The following CASD1 variants were observed in gnomAD, a reference collection of about 807,000 sequenced individuals.
The protein encoded by CASD1 is CAS1 domain sialic acid O acetyltransferase 1.
A neutral mutation model predicts 100.0 loss-of-function variants in CASD1; 41 were observed. The ratio of observed to expected loss-of-function variants is 0.41; its 90% CI spans 0.32 to 0.53. CASD1 has a LOEUF of 0.53. Ranked by LOEUF, CASD1 falls within the 20% of genes least tolerant of loss-of-function variation. The pLI is 0.25. For missense variants in CASD1, 774 were observed against 948.7 expected, an observed-to-expected ratio of 0.82 and a Z score of 2.42; for synonymous variants, 321 against 315.6, an observed-to-expected ratio of 1.02 and a Z score of -0.18.
chr7:94,553,819 A>AAATAAAT (rs1796071815), intron 16 of CASD1: 1 of 100,006 alleles, frequency 1.0e-5, no homozygotes, highest in Non-Finnish European at 2.3e-5. Context: ...AATAAATAAA[A>AAATAAAT]AGAAAATGCA....
At chr7:94,625,456 G>A in the CASD1 span, 1 of 151,824 alleles carries the variant, frequency 6.6e-6, no homozygotes, top group Non-Finnish European at 1.5e-5. Context: ...GAACTCTTAT[G>A]AAACCATCCC....
the CASD1 span, among the ~76,000 whole-genome samples, chr7:94,609,304 A>T: frequency 6.6e-6 from 1 of 152,268 alleles, no homozygotes; most frequent in African/African-American, 2.4e-5. Flanking sequence ...AGGTGGGCAG[A>T]TCACTTGAGG....
chr7:94,602,738 T>C, the CASD1 span, among the ~76,000 whole-genome samples: 1 of 152,182 alleles, frequency 6.6e-6, no homozygotes, highest in Admixed American at 6.5e-5. Context: ...TTCCTAAATC[T>C]GTTAACATGC....
chr7:94,591,847 A>C, the CASD1 span, among the ~76,000 whole-genome samples: 1 of 152,228 alleles, frequency 6.6e-6, no homozygotes, highest in Non-Finnish European at 1.5e-5. Context: ...AATTCGGAGA[A>C]GATGCATAAG....
At position 94,537,651 on chromosome 7, in the gene CASD1, T is replaced by A. The variant is rs762343932; in HGVS notation, c.1023T>A (p.Asn341Lys). 5.6e-6 allele frequency: 9 copies of A among 1,613,892 alleles called. No individual in the cohort carries two copies. The highest frequency in any genetic ancestry group is 7.6e-6 in the Non-Finnish European group (9 of 1,179,870). The change falls in exon 9 of 18, where the codon AAT becomes AAA. Residue 341 changes from asparagine (N) to lysine (K), a missense_variant. By Grantham distance (94) the Asn-to-Lys change is moderately conservative. Around this residue, in one of 5 missense-constraint regions of CASD1, gnomAD observed 453 missense variants for 532.6 expected, o/e 0.85. Coordinates refer to ENST00000297273, the MANE Select transcript of CASD1 (RefSeq NM_022900.5). ...TTCATCGTAATGCTCATCGGAAGAA[T>A]AAGCCGTGTACTGATTTGGAAAGTG... ...YIIHRNAHRKNKPCTDLESGE... is the reference protein window; with the variant it reads ...YIIHRNAHRKKKPCTDLESGE...
At chr7:94,623,890 A>T in the CASD1 span, 1 of 358,358 alleles carries the variant, frequency 2.8e-6, no homozygotes, top group Non-Finnish European at 5.0e-6. Context: ...ACCCTTTGGA[A>T]ATCATATCTC....
At chr7:94,585,787 A>G in the CASD1 span, among the ~76,000 whole-genome samples, 2 of 152,166 alleles carry the variant, frequency 1.3e-5, no homozygotes, top group African/African-American at 4.8e-5. Flanking sequence ...CACAATAAAC[A>G]AAAAGAATGG....
chr7:94,632,974 A>C, the CASD1 span, among the ~76,000 whole-genome samples: 1 of 152,068 alleles, frequency 6.6e-6, no homozygotes, highest in Non-Finnish European at 1.5e-5. Context: ...AGCTTAAAGC[A>C]TGTTGTTTTC....
chr7:94,518,143 T>C, intron 2 of CASD1, 60 bp from the exon 3 acceptor site: 2 of 1,443,284 alleles, frequency 1.4e-6, no homozygotes, highest in Non-Finnish European at 1.8e-6. Flanking sequence ...ACGGTGTGCT[T>C]TGAAATGCCA....
the CASD1 span, among the ~76,000 whole-genome samples, chr7:94,563,956 C>T: frequency 6.6e-6 from 1 of 152,144 alleles, no homozygotes; most frequent in Admixed American, 6.6e-5. Context: ...CTAGAGTACG[C>T]ATGTCTCACC....
At chr7:94,630,542 A>G in the CASD1 span, among the ~76,000 whole-genome samples, 1 of 151,968 alleles carries the variant, frequency 6.6e-6, no homozygotes, top group Non-Finnish European at 1.5e-5. Flanking sequence ...AGGCAAAATA[A>G]TTTAAGTGAA....
chr7:94,564,653 A>G, the CASD1 span, among the ~76,000 whole-genome samples: 124 of 152,314 alleles, frequency 8.1e-4, no homozygotes, highest in Non-Finnish European at 1.1e-3. Context: ...CCATGGACAT[A>G]GTGAACCTAC....
chr7:94,532,094 T>A (rs994622446), intron 5 of CASD1, among the ~76,000 whole-genome samples: 3 of 152,156 alleles, frequency 2.0e-5, no homozygotes, highest in African/African-American at 7.2e-5. Context: ...AATATACTAT[T>A]GCTATATATT....
chr7:94,600,964 C>G, the CASD1 span: 2 of 929,266 alleles, frequency 2.2e-6, no homozygotes, highest in African/African-American at 1.6e-5. Context: ...TCTAAAAAGC[C>G]ATCTTTTCCA....
At chr7:94,605,547 G>T in the CASD1 span, among the ~76,000 whole-genome samples, 1 of 151,980 alleles carries the variant, frequency 6.6e-6, no homozygotes, top group Non-Finnish European at 1.5e-5. Context: ...GAAAGACAGG[G>T]ATTATTTTAT....
At chr7:94,560,000 C>G (rs964828220), downstream of CASD1, among the ~76,000 whole-genome samples, 2 of 151,980 alleles carry the variant, frequency 1.3e-5, no homozygotes, top group Non-Finnish European at 2.9e-5. Context: ...CTATATCTGG[C>G]AGTTTTGTTG....
the CASD1 span, among the ~76,000 whole-genome samples, chr7:94,569,944 G>C: frequency 6.6e-6 from 1 of 151,776 alleles, no homozygotes; most frequent in Non-Finnish European, 1.5e-5. Flanking sequence ...CTCCCAAGTA[G>C]CTGGGACTAC....
At chr7:94,623,883 C>G in the CASD1 span, 8 of 356,698 alleles carry the variant, frequency 2.2e-5, no homozygotes, top group Non-Finnish European at 4.0e-5. Flanking sequence ...ATAAATAACC[C>G]TTTGGAAATC....
chr7:94,589,730 G>A, the CASD1 span: 2 of 176,640 alleles, frequency 1.1e-5, no homozygotes, highest in Non-Finnish European at 2.3e-5. Context: ...TCTAATGCCT[G>A]ATGATCTGTC....
Sources: allele counts gnomAD v4.1 joint callset (sites outside exome capture counted in the v4.1 genomes callset), GRCh38; gene constraint gnomAD v4.1.1; regional missense constraint gnomAD v4.1.1; transcripts MANE v1.5; gene names NCBI Gene and HGNC (gene_info 2026-07-23, HGNC 2026-07-21).